PTPN4: variants seen among roughly 807,000 people sequenced by gnomAD.
PTPN4 encodes the protein protein tyrosine phosphatase non-receptor type 4.
In PTPN4, 49 loss-of-function variants were observed where a neutral mutation model predicts 135.5. That is an observed-to-expected ratio of 0.36 (90% CI 0.29 to 0.46). The LOEUF is 0.46. Ranked by LOEUF, PTPN4 falls within the 20% of genes least tolerant of loss-of-function variation. The probability of loss-of-function intolerance (pLI) is 1.00; values close to 1 mark genes in which losing one functional copy is unlikely to be tolerated. For missense variants in PTPN4, 860 were observed against 1,101.0 expected (o/e 0.78, Z 3.10); for synonymous variants, 333 against 369.9 (o/e 0.90, Z 1.14).
At chr2:119,916,665 C>T (rs982597253) in intron 11 of PTPN4, 6 of 152,192 alleles carry the variant, frequency 3.9e-5, no homozygotes, top group African/African-American at 1.2e-4. Context: ...CTGATGCCCA[C>T]TTCCAGTCAT....
chr2:119,965,358 G>A (rs1558777082), intron 24 of PTPN4, 139 bp from the exon 25 acceptor site: 2 of 807,884 alleles, frequency 2.5e-6, no homozygotes, highest in African/African-American at 1.7e-5. Context: ...CTGACCTAGT[G>A]ATCAATGCTA....
In PTPN4 at chr2:119,909,621, TG is replaced by T. The variant is rs201878769; in HGVS notation, c.765-5557del. On this transcript the variant is annotated intron_variant, in intron 10 of 26. Coordinates refer to ENST00000263708, the MANE Select transcript of PTPN4 (RefSeq NM_002830.4). Reference sequence around the variant, plus strand: ...CAAATCTTTTTTAAGAAACATATTTTGTAAGGCTGTAGTGGCCATTGAGGAT... The same window carrying T: ...CAAATCTTTTTTAAGAAACATATTTTTAAGGCTGTAGTGGCCATTGAGGAT... 2.0e-5 allele frequency among the ~76,000 whole-genome samples: 3 copies of T among 152,290 alleles called. No homozygotes were observed. In the East Asian group the frequency reaches 5.8e-4, roughly 29 times the overall value.
At position 119,854,796 on chromosome 2, in the gene PTPN4, C is replaced by T. The variant is rs566488055; in HGVS notation, c.139-7740C>T. On this transcript the variant is annotated intron_variant, in intron 2 of 26. Transcript: ENST00000263708. ...TCATTAAAGAGGGATTATGGCCACC[C>T]GGGCTGAAGCCTGCGTTGTTTCTTA... is the stretch of plus-strand genomic sequence containing the variant. 9.2e-5 allele frequency among the ~76,000 whole-genome samples: 14 copies of T among 152,308 alleles called. No individual in the cohort carries two copies. In the South Asian group the frequency reaches 2.5e-3, roughly 27 times the overall value.
intron 11 of PTPN4, among the ~76,000 whole-genome samples, chr2:119,917,709 A>G (rs930933017): frequency 2.0e-5 from 3 of 152,138 alleles, no homozygotes; most frequent in Admixed American, 6.5e-5. Flanking sequence ...AGCCCGGACA[A>G]CAGAGCTGGA....
intron 12 of PTPN4, among the ~76,000 whole-genome samples, chr2:119,923,388 G>A (rs1296167244): frequency 1.3e-5 from 2 of 152,106 alleles, no homozygotes. Context: ...ACAACAAACA[G>A]TATGTATTCC....
At chr2:119,964,665 A>T (rs1679421642) in intron 24 of PTPN4, among the ~76,000 whole-genome samples, 1 of 152,196 alleles carries the variant, frequency 6.6e-6, no homozygotes. Context: ...TTACACATAT[A>T]GAAATTGAGT....
chr2:119,942,439 C>G (rs1288657467), intron 15 of PTPN4, among the ~76,000 whole-genome samples: 1 of 152,156 alleles, frequency 6.6e-6, no homozygotes, highest in Non-Finnish European at 1.5e-5. Flanking sequence ...ATAGCTGGAC[C>G]AAGAATAAGG....
At chr2:119,922,558 A>ATATAT (rs1678753306) in intron 12 of PTPN4, among the ~76,000 whole-genome samples, 1 of 152,156 alleles carries the variant, frequency 6.6e-6, no homozygotes, top group Non-Finnish European at 1.5e-5. Flanking sequence ...TATCCTTTAT[A>ATATAT]TATATTGTTT....
At chr2:119,810,134 T>G (rs1444091510) in intron 2 of PTPN4, 143 bp downstream of exon 2, 3 of 938,730 alleles carry the variant, frequency 3.2e-6, no homozygotes, top group Non-Finnish European at 4.5e-6. Flanking sequence ...AGGATTGTAT[T>G]AGATGCATGC....
chr2:119,971,412 T>A (rs1679533648), intron 26 of PTPN4, among the ~76,000 whole-genome samples: 1 of 152,238 alleles, frequency 6.6e-6, no homozygotes, highest in South Asian at 2.1e-4. Flanking sequence ...GACACACAGC[T>A]ATACCATATC....
At chr2:119,878,385 C>G (rs576778733) in intron 5 of PTPN4, among the ~76,000 whole-genome samples, 16 of 152,128 alleles carry the variant, frequency 1.1e-4, no homozygotes, top group African/African-American at 3.9e-4. Flanking sequence ...CTGTAAAATT[C>G]TCAGATATAA....
intron 3 of PTPN4, among the ~76,000 whole-genome samples, chr2:119,864,961 C>G (rs984577678): frequency 4.6e-5 from 7 of 152,204 alleles, no homozygotes; most frequent in Non-Finnish European, 8.8e-5. Context: ...TAGAGATTAT[C>G]TAGCCTCACA....
chr2:119,764,639 CT>C lies in PTPN4; in HGVS notation c.-18+4266del, dbSNP rs1179572514. The stretch of plus-strand genomic sequence containing the variant: ...AGATATAGTTTAATATCTTCTTAAG[CT>C]TTTTTTTTTTCTTAAGTTTTTATGT... On this transcript the variant is annotated intron_variant, in intron 1 of 26. Transcript: ENST00000263708. 2.6e-3 allele frequency among the ~76,000 whole-genome samples: 383 copies of C among 145,812 alleles called. 1 individual carries two copies. The highest frequency in any genetic ancestry group is 7.2e-3 in the Middle Eastern group (2 of 278).
chr2:119,799,801 G>T (rs987244685), intron 1 of PTPN4, among the ~76,000 whole-genome samples: 1 of 152,088 alleles, frequency 6.6e-6, no homozygotes, highest in East Asian at 1.9e-4. Flanking sequence ...CTCTTTTCCT[G>T]TGTCTTCACT....
intron 11 of PTPN4, chr2:119,916,130 T>A (rs1448394316): frequency 1.3e-5 from 2 of 151,340 alleles, no homozygotes; most frequent in Non-Finnish European, 2.9e-5. Context: ...AGCCCAGGAA[T>A]TCAAGGCTGC....
chr2:119,857,790 TTTTG>T (rs1008528187), intron 2 of PTPN4, among the ~76,000 whole-genome samples: 9 of 151,774 alleles, frequency 5.9e-5, no homozygotes, highest in Admixed American at 1.3e-4. Flanking sequence ...CAGGCTTGGG[TTTTG>T]TTTGTTTGTT....
At chr2:119,955,128 T>C in intron 19 of PTPN4, 29 bp from the exon 20 acceptor site, 1 of 1,561,126 alleles carries the variant, frequency 6.4e-7, no homozygotes. Flanking sequence ...TTTCCACGTT[T>C]TGGGGTTTGT....
intron 2 of PTPN4, among the ~76,000 whole-genome samples, chr2:119,844,873 T>C (rs1677463018): frequency 1.3e-5 from 2 of 150,982 alleles, no homozygotes; most frequent in Admixed American, 1.3e-4. Flanking sequence ...GAGGCTGCAA[T>C]CTCGGCACTT....
In PTPN4 at chr2:119,932,510, A is replaced by G. The variant is rs751743490; in HGVS notation, c.1157A>G (p.Gln386Arg). The G allele has an allele frequency of 8.1e-6, 13 of 1,612,194 alleles. No homozygotes were observed. The highest frequency in any genetic ancestry group is 1.1e-5 in the Non-Finnish European group (13 of 1,178,658). ...ATATCTGATGACAGGTTAGAAACAC[A>G]AAGTCTTCCATCACGATCTCCACCG... ...NSISDDRLET[Q>R]SLPSRSPPGT... is the part of the protein sequence containing the mutation. The change falls in exon 14 of 27, where the codon CAA becomes CGA. Residue 386 changes from glutamine (Q) to arginine (R), a missense_variant. Physicochemically the swap from Gln to Arg is conservative, Grantham distance 43. Transcript: ENST00000263708.
Sources: gnomAD v4.1 joint callset for allele counts (sites outside exome capture counted in the v4.1 genomes callset) on GRCh38, gnomAD v4.1.1 for gene constraint, MANE v1.5 for transcripts, NCBI Gene and HGNC (gene_info 2026-07-23, HGNC 2026-07-21) for gene names.